NDUFA9: variants seen among roughly 807,000 people sequenced by gnomAD.
NDUFA9 encodes the protein NADH:ubiquinone oxidoreductase subunit A9, also known as NADH dehydrogenase [ubiquinone] 1 alpha subcomplex subunit 9, mitochondrial.
Under a neutral mutation model 45.9 loss-of-function variants are expected in NDUFA9, and 23 were observed. That is an observed-to-expected ratio of 0.50 (90% CI 0.36 to 0.71). The LOEUF (loss-of-function observed/expected upper bound fraction) is 0.71, where lower values mean the gene tolerates loss of function less well. Among genes scored for constraint, NDUFA9 ranks in the 30% least tolerant of loss-of-function variants. The pLI, the probability that NDUFA9 is intolerant of heterozygous loss-of-function variation, is 0.00. For missense variants in NDUFA9, 466 were observed against 488.2 expected, an observed-to-expected ratio of 0.95 and a Z score of 0.43; for synonymous variants, 176 against 170.5, an observed-to-expected ratio of 1.03 and a Z score of -0.25.
Position 4,693,935 on chromosome 12 carries a change from A to C in NDUFA9, c.*6827A>C, listed in dbSNP as rs1287015857. The C allele has an allele frequency of 6.6e-6, 1 of 152,202 alleles. No homozygotes were observed. The highest frequency in any genetic ancestry group is 1.5e-5 in the Non-Finnish European group (1 of 68,038). 9.4% of individuals were successfully genotyped at this position (152,202 alleles called of 1,614,324 possible). A position where few individuals can be genotyped will look rare whatever the true frequency, so the allele number is the denominator to read the frequency against. On this transcript the variant is annotated 3_prime_UTR_variant, in exon 11 of 11. Transcript: ENST00000266544. Reference sequence around the variant, plus strand: ...CTTTATAGCATCTGATTGGGGAAAAACACATCTTTTCTGGGGCTAGACAGT... The same window carrying C: ...CTTTATAGCATCTGATTGGGGAAAACCACATCTTTTCTGGGGCTAGACAGT...
At chr12:4,670,741 T>C (rs912565379) in intron 8 of NDUFA9, among the ~76,000 whole-genome samples, 12 of 152,360 alleles carry the variant, frequency 7.9e-5, no homozygotes, top group Admixed American at 2.6e-4. Flanking sequence ...GTTCCCAGTT[T>C]GGTACATTAG....
chr12:4,669,426 G>A (rs2137475145), intron 7 of NDUFA9, among the ~76,000 whole-genome samples: 1 of 152,338 alleles, frequency 6.6e-6, no homozygotes, highest in Admixed American at 6.5e-5. Context: ...GGGGCCTCAA[G>A]CTATCTGAAG....
chr12:4,652,971 A>AT (rs1945767997), intron 1 of NDUFA9, among the ~76,000 whole-genome samples: 1 of 152,262 alleles, frequency 6.6e-6, no homozygotes, highest in South Asian at 2.1e-4. Flanking sequence ...ACAAACACAG[A>AT]TTTTCTAAAG....
At chr12:4,663,285 G>A (rs1291905978) in intron 6 of NDUFA9, among the ~76,000 whole-genome samples, 4 of 152,062 alleles carry the variant, frequency 2.6e-5, no homozygotes, top group African/African-American at 9.6e-5. Context: ...CCTAACATCT[G>A]TAATAATTTC....
At chr12:4,655,726 T>G (rs769446714) in intron 3 of NDUFA9, 1 of 152,206 alleles carries the variant, frequency 6.6e-6, no homozygotes, top group Non-Finnish European at 1.5e-5. Flanking sequence ...CGTCCTTTAA[T>G]CTACAGGTTC....
chr12:4,669,717 G>T, intron 7 of NDUFA9, 24 bp from the exon 8 acceptor site: 1 of 1,424,644 alleles, frequency 7.0e-7, no homozygotes, highest in South Asian at 1.2e-5. Flanking sequence ...CAATTACTTA[G>T]ACATATATTA....
chr12:4,662,754 C>A, intron 6 of NDUFA9, 119 bp downstream of exon 6: 1 of 684,948 alleles, frequency 1.5e-6, no homozygotes, highest in Non-Finnish European at 2.5e-6. Context: ...TTCCCAGTTG[C>A]CTTTTCCTCC....
chr12:4,682,940 C>T (rs1033477659), intron 9 of NDUFA9, among the ~76,000 whole-genome samples: 8 of 152,116 alleles, frequency 5.3e-5, no homozygotes, highest in Admixed American at 1.3e-4. Flanking sequence ...GTGGCATCTG[C>T]CTGTAGTCCC....
At position 4,687,149 on chromosome 12, in the gene NDUFA9, G is replaced by C; in HGVS notation, c.*41G>C. 6.2e-7 allele frequency: 1 copy of C among 1,600,384 alleles called. No homozygotes were observed. The highest frequency in any genetic ancestry group is 1.1e-5 in the South Asian group (1 of 89,116). On this transcript the variant is annotated 3_prime_UTR_variant, in exon 11 of 11. Coordinates refer to ENST00000266544, the MANE Select transcript of NDUFA9 (RefSeq NM_005002.5). ...TCTTGGTTTTGGCGTCTTTTGGGTC[G>C]GCCCATGTGGTTTGAGCACCCAGCC...
chr12:4,671,497 G>A (rs528718780), intron 8 of NDUFA9, among the ~76,000 whole-genome samples: 1 of 152,030 alleles, frequency 6.6e-6, no homozygotes, highest in Non-Finnish European at 1.5e-5. Flanking sequence ...GATTGAATGA[G>A]TCAGTATGAT....
intron 10 of NDUFA9, among the ~76,000 whole-genome samples, chr12:4,685,752 C>G (rs1455696123): frequency 1.3e-5 from 2 of 152,170 alleles, no homozygotes; most frequent in East Asian, 3.8e-4. Context: ...CCATTTCTCC[C>G]CTAAAATTGC....
At chr12:4,685,431 T>A in intron 10 of NDUFA9, 106 bp downstream of exon 10, 1 of 1,079,670 alleles carries the variant, frequency 9.3e-7, no homozygotes, top group Non-Finnish European at 1.4e-6. Context: ...TTTGCTGTTC[T>A]TGCTGTCTGC....
chr12:4,686,791 GA>G, intron 10 of NDUFA9, 146 bp from the exon 11 acceptor site: 2 of 731,460 alleles, frequency 2.7e-6, no homozygotes, highest in Non-Finnish European at 4.4e-6. Context: ...TGATTTGCAT[GA>G]ATCGAAAATT....
chr12:4,651,713 A>G (rs1486643568), intron 1 of NDUFA9, among the ~76,000 whole-genome samples: 1 of 152,096 alleles, frequency 6.6e-6, no homozygotes, highest in African/African-American at 2.4e-5. Flanking sequence ...TGACTCTGCC[A>G]TCTTTTGCCT....
rs7972657 is a variant in NDUFA9 at position 4,659,188 on chromosome 12, A to C, written c.552+11A>C. ...TATTTGAGAAATAAGGTAAGTAACA[A>C]ATTGATCTGGGAAGTGGTTCACAGA... On this transcript the variant is annotated intron_variant, in intron 5 of 10. Coordinates refer to ENST00000266544, the MANE Select transcript of NDUFA9 (RefSeq NM_005002.5). 0.7 allele frequency: 1,129,217 copies of C among 1,601,760 alleles called. 401,409 individuals are homozygous for C. The highest frequency in any genetic ancestry group is 0.84 in the East Asian group (37,515 of 44,738).
At chr12:4,665,693 A>C (rs920657816) in intron 6 of NDUFA9, among the ~76,000 whole-genome samples, 1 of 150,366 alleles carries the variant, frequency 6.7e-6, no homozygotes, top group Non-Finnish European at 1.5e-5. Context: ...TGCCACCAAC[A>C]GTGCACAAGG....
chr12:4,652,551 A>T (rs1945765934), intron 1 of NDUFA9, among the ~76,000 whole-genome samples: 1 of 152,072 alleles, frequency 6.6e-6, no homozygotes, highest in African/African-American at 2.4e-5. Context: ...CTTCACTTTC[A>T]GCATTTGGTA....
At position 4,687,215 on chromosome 12, in the gene NDUFA9, T is replaced by A; in HGVS notation, c.*107T>A. On this transcript the variant is annotated 3_prime_UTR_variant, in exon 11 of 11. Transcript: ENST00000266544. ...AGGATCCTGTACACAGTTCCACTAT[T>A]AAAACATTTCAGGTTGAATTCTGCA... The A allele has an allele frequency of 2.9e-6, 3 of 1,027,422 alleles. No homozygotes were observed. The highest frequency in any genetic ancestry group is 2.8e-5 in the East Asian group (1 of 36,290). The allele number at this position is 1,027,422 out of a possible 1,614,324, so 63.6% of individuals were successfully genotyped here. A position where few individuals can be genotyped will look rare whatever the true frequency, so the allele number is the denominator to read the frequency against.
At chr12:4,650,532 C>T (rs1050273768) in intron 1 of NDUFA9, among the ~76,000 whole-genome samples, 3 of 152,086 alleles carry the variant, frequency 2.0e-5, no homozygotes, top group African/African-American at 7.2e-5. Context: ...AACCACTCTG[C>T]GTTATTGTCT....
Sources: allele counts gnomAD v4.1 joint callset (sites outside exome capture counted in the v4.1 genomes callset), GRCh38; gene constraint gnomAD v4.1.1; transcripts MANE v1.5; gene names NCBI Gene and HGNC (gene_info 2026-07-23, HGNC 2026-07-21).